PHACTR1: variants seen among roughly 807,000 people sequenced by gnomAD.
The protein encoded by PHACTR1 is phosphatase and actin regulator 1.
PHACTR1 carries 16 observed loss-of-function variants against 69.2 expected under a neutral mutation model. The observed-to-expected ratio is 0.23, with a 90% confidence interval of 0.16 to 0.35. The LOEUF is 0.35. Among genes scored for constraint, PHACTR1 ranks in the 10% least tolerant of loss-of-function variants. The pLI is 1.00. For missense variants in PHACTR1, 510 were observed against 734.7 expected, an observed-to-expected ratio of 0.69 and a Z score of 3.54; for synonymous variants, 312 against 284.5, an observed-to-expected ratio of 1.10 and a Z score of -0.97.
At position 13,228,078 on chromosome 6, in the gene PHACTR1, A is replaced by T; in HGVS notation, c.1234+15A>T. 1 of 1,602,794 alleles carries T rather than the reference A, an allele frequency of 6.2e-7. No homozygotes were observed. The highest frequency in any genetic ancestry group is 1.7e-5 in the Admixed American group (1 of 59,586). Reference sequence around the variant, plus strand: ...ATTATACACCAGTGCGTTCATCTTAACTCATCACCAGGGGTGGGGAAGCAT... The same window carrying T: ...ATTATACACCAGTGCGTTCATCTTATCTCATCACCAGGGGTGGGGAAGCAT... On this transcript the variant is annotated intron_variant, in intron 9 of 14. Coordinates refer to ENST00000332995, the MANE Select transcript of PHACTR1 (RefSeq NM_030948.6).
intron 4 of PHACTR1, among the ~76,000 whole-genome samples, chr6:12,824,880 G>A (rs1252473436): frequency 6.6e-6 from 1 of 152,154 alleles, no homozygotes; most frequent in African/African-American, 2.4e-5. Context: ...GCTCTATCCT[G>A]GCTCACCACC....
intron 4 of PHACTR1, among the ~76,000 whole-genome samples, chr6:12,810,200 A>C (rs564434174): frequency 6.6e-6 from 1 of 152,320 alleles, no homozygotes; most frequent in African/African-American, 2.4e-5. Context: ...TAATATACAC[A>C]TTTCAAAGTT....
rs1328604551 is a variant in PHACTR1, at chr6:13,246,198, A to G, written c.1391+16005A>G. Among the ~76,000 whole-genome samples, 5 of 152,234 alleles carry G rather than the reference A, an allele frequency of 3.3e-5. No individual in the cohort carries two copies. The highest frequency in any genetic ancestry group is 3.3e-4 in the Admixed American group (5 of 15,290). On this transcript the variant is annotated intron_variant, in intron 10 of 14. Transcript: ENST00000332995. The surrounding 1 kb of genome is among the most constrained non-coding windows in gnomAD (Gnocchi z 4.2). ...AGTTAGCAACCATAACAACTCATAT[A>G]TCTTCGTTGATTTTCTCAAAAGAAA...
intron 7 of PHACTR1, among the ~76,000 whole-genome samples, chr6:13,196,795 G>T (rs1198633024): frequency 1.3e-5 from 2 of 152,136 alleles, no homozygotes; most frequent in Admixed American, 6.6e-5. Context: ...ACCTCTCCTG[G>T]AGCATTTTGT....
chr6:12,939,831 T>C (rs1789879913), intron 4 of PHACTR1, among the ~76,000 whole-genome samples: 1 of 152,148 alleles, frequency 6.6e-6, no homozygotes, highest in Admixed American at 6.5e-5. Flanking sequence ...TTGTTCAAGT[T>C]TTATAGCCAG....
chr6:12,717,768 C>A (rs945021083), intron 2 of PHACTR1, 25 bp downstream of exon 2: 2 of 151,914 alleles, frequency 1.3e-5, no homozygotes, highest in African/African-American at 4.8e-5. Context: ...TATTGGGGTA[C>A]CTTTGGGTAT....
intron 8 of PHACTR1, among the ~76,000 whole-genome samples, chr6:13,217,778 C>A (rs1767909503): frequency 6.6e-6 from 1 of 152,204 alleles, no homozygotes; most frequent in Non-Finnish European, 1.5e-5. Flanking sequence ...CCATGATAAA[C>A]CACACAATGT....
intron 3 of PHACTR1, among the ~76,000 whole-genome samples, chr6:12,742,262 T>G (rs1040250760): frequency 6.6e-6 from 1 of 152,130 alleles, no homozygotes; most frequent in Non-Finnish European, 1.5e-5. Context: ...AGGAAAGGGG[T>G]GGGTGGTTCC....
intron 4 of PHACTR1, among the ~76,000 whole-genome samples, chr6:12,913,704 G>A (rs991259727): frequency 6.6e-6 from 1 of 152,164 alleles, no homozygotes; most frequent in African/African-American, 2.4e-5. Context: ...GATGATTTTT[G>A]TGGCCCAGAA....
Position 12,903,177 on chromosome 6 carries a change from T to G in PHACTR1, c.251-150188T>G, listed in dbSNP as rs375180812. Among the ~76,000 whole-genome samples the G allele has an allele frequency of 2.5e-4, 38 of 152,156 alleles. 1 individual carries two copies. The highest frequency in any genetic ancestry group is 1.4e-3 in the Admixed American group (21 of 15,268). ...CTTCCTTAACCACTGTGTTCCTCAGTTTCCTTATTTATAAGGTGGGAATGC... is the reference window on the plus strand; with the variant it reads ...CTTCCTTAACCACTGTGTTCCTCAGGTTCCTTATTTATAAGGTGGGAATGC... On this transcript the variant is annotated intron_variant, in intron 4 of 14. Coordinates refer to ENST00000332995, the MANE Select transcript of PHACTR1 (RefSeq NM_030948.6).
chr6:12,826,806 G>T (rs966020743), intron 4 of PHACTR1, among the ~76,000 whole-genome samples: 4 of 152,146 alleles, frequency 2.6e-5, no homozygotes, highest in African/African-American at 9.7e-5. Context: ...TGAAGATCAA[G>T]CAGGGATTTC....
At chr6:12,875,155 C>G (rs991713844) in intron 4 of PHACTR1, among the ~76,000 whole-genome samples, 5 of 152,190 alleles carry the variant, frequency 3.3e-5, no homozygotes, top group Non-Finnish European at 7.3e-5. Context: ...CCAAATGACT[C>G]AGAAACATAA....
chr6:12,756,571 CTAG>C (rs1291749474), intron 4 of PHACTR1, among the ~76,000 whole-genome samples: 1 of 152,182 alleles, frequency 6.6e-6, no homozygotes, highest in Non-Finnish European at 1.5e-5. Flanking sequence ...TAATATCACA[CTAG>C]TAGTTGTTTA....
intron 4 of PHACTR1, among the ~76,000 whole-genome samples, chr6:13,022,013 C>G (rs376635789): frequency 6.6e-6 from 1 of 152,154 alleles, no homozygotes; most frequent in Non-Finnish European, 1.5e-5. Flanking sequence ...GCTGTCTGTC[C>G]GGTTCTGGCT....
intron 5 of PHACTR1, among the ~76,000 whole-genome samples, chr6:13,105,812 G>A (rs1020939948): frequency 2.0e-5 from 3 of 152,212 alleles, no homozygotes; most frequent in African/African-American, 7.2e-5. Context: ...CTGCAACAAG[G>A]AGCATAGATT....
In PHACTR1 at chr6:13,229,953, C is replaced by T. The variant is rs61414948; in HGVS notation, c.1235-84C>T. ...AAAACCTTGATGACTTCCTTCCTGC[C>T]TTGTATCTTATGACCCAGGGTTGGC... On this transcript the variant is annotated intron_variant, in intron 9 of 14. Coordinates refer to ENST00000332995, the MANE Select transcript of PHACTR1 (RefSeq NM_030948.6). 2.4e-3 allele frequency: 3,401 copies of T among 1,431,604 alleles called. 66 individuals carry two copies. In the African/African-American group the frequency reaches 0.04, roughly 17 times the overall value. The allele number at this position is 1,431,604 out of a possible 1,614,324, so 88.7% of individuals were successfully genotyped here.
rs138095043 is a variant in PHACTR1 at position 12,993,886 on chromosome 6, G to A, written c.251-59479G>A. On this transcript the variant is annotated intron_variant, in intron 4 of 14. Transcript: ENST00000332995. ...TCTGTAAGGAGTGGAAAAGCATCCT[G>A]TTAAGTATAAACTCACAATGAAAAA... is the stretch of plus-strand genomic sequence containing the variant. 5.3e-5 allele frequency among the ~76,000 whole-genome samples: 8 copies of A among 152,232 alleles called. No homozygotes were observed. In the East Asian group the frequency reaches 1.5e-3, roughly 29 times the overall value.
At chr6:12,727,236 G>T (rs1762906938) in intron 3 of PHACTR1, among the ~76,000 whole-genome samples, 1 of 152,160 alleles carries the variant, frequency 6.6e-6, no homozygotes, top group Admixed American at 6.5e-5. Flanking sequence ...GAAAAAGACA[G>T]TGAAGGCAGA....
chr6:12,922,522 G>A (rs188615149), intron 4 of PHACTR1, among the ~76,000 whole-genome samples: 7 of 152,296 alleles, frequency 4.6e-5, no homozygotes, highest in Admixed American at 4.6e-4. Flanking sequence ...ATGAGAGTTT[G>A]AATATGCATG....
Sources: allele counts gnomAD v4.1 joint callset (sites outside exome capture counted in the v4.1 genomes callset), GRCh38; gene constraint gnomAD v4.1.1; non-coding constraint Gnocchi (gnomAD v3.1); transcripts MANE v1.5; gene names NCBI Gene and HGNC (gene_info 2026-07-23, HGNC 2026-07-21).